The following SLCO3A1 variants were observed in gnomAD, a reference collection of about 807,000 sequenced individuals.
SLCO3A1 encodes the protein PGE1 transporter.
In SLCO3A1, 27 loss-of-function variants were observed where a neutral mutation model predicts 63.1. The observed-to-expected ratio is 0.43, with a 90% CI of 0.32 to 0.59. The LOEUF (loss-of-function observed/expected upper bound fraction) is 0.59, where lower values mean the gene tolerates loss of function less well. Among genes scored for constraint, SLCO3A1 ranks in the 20% least tolerant of loss-of-function variants. The pLI is 0.09. For missense variants in SLCO3A1, 773 were observed against 945.8 expected (o/e 0.82, Z 2.40); for synonymous variants, 473 against 409.9 (o/e 1.15, Z -1.86).
At chr15:92,168,864 T>A (rs1335155180), downstream of SLCO3A1, among the ~76,000 whole-genome samples, 1 of 152,222 alleles carries the variant, frequency 6.6e-6, no homozygotes, top group Non-Finnish European at 1.5e-5. Context: ...GCTGTGACAC[T>A]GTAGCTCGAC....
intron 2 of SLCO3A1, among the ~76,000 whole-genome samples, chr15:91,997,075 G>A (rs145859199): frequency 3.9e-5 from 6 of 152,234 alleles, no homozygotes; most frequent in Admixed American, 3.3e-4. Context: ...CTCTTCACTC[G>A]TGATGTGACT....
intron 2 of SLCO3A1, among the ~76,000 whole-genome samples, chr15:91,964,862 G>A (rs564544710): frequency 1.6e-4 from 25 of 152,238 alleles, no homozygotes; most frequent in African/African-American, 5.8e-4. Context: ...GGGTCACAGA[G>A]CGTCAGGTGA....
intron 2 of SLCO3A1, among the ~76,000 whole-genome samples, chr15:91,999,693 G>A (rs1202216385): frequency 6.6e-6 from 1 of 152,214 alleles, no homozygotes; most frequent in African/African-American, 2.4e-5. Context: ...TCGGGAGGCC[G>A]AGGCAGGAGG....
At chr15:92,166,692 T>C (rs2048495473), downstream of SLCO3A1, among the ~76,000 whole-genome samples, 1 of 152,222 alleles carries the variant, frequency 6.6e-6, no homozygotes, top group Admixed American at 6.5e-5. Flanking sequence ...AAAAAGATTC[T>C]CCTGTGGTTG....
chr15:91,927,067 C>T (rs1388140671), intron 2 of SLCO3A1, among the ~76,000 whole-genome samples: 1 of 152,106 alleles, frequency 6.6e-6, no homozygotes, highest in Non-Finnish European at 1.5e-5. Flanking sequence ...TGGAGAGCCA[C>T]TGTACTTACA....
chr15:91,965,782 G>A (rs1900637449), intron 2 of SLCO3A1, among the ~76,000 whole-genome samples: 1 of 152,106 alleles, frequency 6.6e-6, no homozygotes, highest in East Asian at 1.9e-4. Context: ...GTGAGTGTGG[G>A]TGTGCACACC....
chr15:92,032,694 AG>A (rs2046668543), intron 2 of SLCO3A1, among the ~76,000 whole-genome samples: 3 of 152,108 alleles, frequency 2.0e-5, no homozygotes, highest in Non-Finnish European at 4.4e-5. Flanking sequence ...GCAGGTGCAG[AG>A]GCCCCCATCG....
chr15:92,119,288 G>C (rs1422647380), intron 4 of SLCO3A1, among the ~76,000 whole-genome samples: 1 of 152,236 alleles, frequency 6.6e-6, no homozygotes, highest in Non-Finnish European at 1.5e-5. Flanking sequence ...TTAAGGGAAA[G>C]TCTTAGTGGC....
intron 1 of SLCO3A1, among the ~76,000 whole-genome samples, chr15:91,891,264 C>G (rs976236634): frequency 6.6e-6 from 1 of 152,144 alleles, no homozygotes; most frequent in Non-Finnish European, 1.5e-5. Flanking sequence ...CAGAAAGAGC[C>G]CAGCTGTCAG....
At chr15:91,959,575 C>CA (rs1354860993) in intron 2 of SLCO3A1, among the ~76,000 whole-genome samples, 1 of 151,268 alleles carries the variant, frequency 6.6e-6, no homozygotes, top group Admixed American at 6.6e-5. Flanking sequence ...CCTAAAAATA[C>CA]AAAAAAATTC....
chr15:91,858,169 C>T (rs1315243335), intron 1 of SLCO3A1, among the ~76,000 whole-genome samples: 2 of 151,958 alleles, frequency 1.3e-5, no homozygotes, highest in African/African-American at 4.8e-5. Flanking sequence ...CATATTCAAC[C>T]CAGAAGCAGA....
chr15:92,083,740 G>T (rs1023506664), intron 2 of SLCO3A1, among the ~76,000 whole-genome samples: 1 of 152,332 alleles, frequency 6.6e-6, no homozygotes, highest in Middle Eastern at 3.4e-3. Flanking sequence ...GGTGGTGAGA[G>T]ATGGTGATTT....
chr15:92,082,689 C>T (rs998409007), intron 2 of SLCO3A1, among the ~76,000 whole-genome samples: 2 of 152,214 alleles, frequency 1.3e-5, no homozygotes, highest in African/African-American at 4.8e-5. Context: ...TCTCACTGTT[C>T]TACAAGACTG....
chr15:92,123,215 A>G (rs373787290), intron 5 of SLCO3A1, among the ~76,000 whole-genome samples: 24 of 152,278 alleles, frequency 1.6e-4, no homozygotes, highest in African/African-American at 5.5e-4. Context: ...ACCTGAGGTC[A>G]AGAGTTCAAG....
chr15:92,078,120 C>T (rs573368753), intron 2 of SLCO3A1, among the ~76,000 whole-genome samples: 5 of 152,248 alleles, frequency 3.3e-5, no homozygotes, highest in South Asian at 4.2e-4. Flanking sequence ...AGCTGGATCT[C>T]GAGGTAGCAG....
chr15:91,867,074 C>T (rs1007520819), intron 1 of SLCO3A1, among the ~76,000 whole-genome samples: 10 of 152,266 alleles, frequency 6.6e-5, no homozygotes, highest in South Asian at 4.1e-4. Flanking sequence ...GGGCCACAGC[C>T]GGGCTGGGGC....
At chr15:91,909,852 C>T (rs1421068492) in intron 1 of SLCO3A1, among the ~76,000 whole-genome samples, 1 of 152,230 alleles carries the variant, frequency 6.6e-6, no homozygotes, top group Non-Finnish European at 1.5e-5. Flanking sequence ...GTGGCTCTGC[C>T]ACAGGGGCCT....
chr15:91,999,313 TAAA>T (rs1345274500), intron 2 of SLCO3A1, among the ~76,000 whole-genome samples: 2 of 151,950 alleles, frequency 1.3e-5, no homozygotes, highest in African/African-American at 2.4e-5. Flanking sequence ...AATTAAAAAA[TAAA>T]AAGACACATA....
At chr15:92,047,866 C>G (rs928003019) in intron 2 of SLCO3A1, among the ~76,000 whole-genome samples, 1 of 151,392 alleles carries the variant, frequency 6.6e-6, no homozygotes, top group African/African-American at 2.4e-5. Flanking sequence ...TCAGTCCCAT[C>G]CAGGCCTGAG....
Sources: allele counts gnomAD v4.1 joint callset (sites outside exome capture counted in the v4.1 genomes callset), GRCh38; gene constraint gnomAD v4.1.1; transcripts MANE v1.5; gene names NCBI Gene and HGNC (gene_info 2026-07-23, HGNC 2026-07-21).